Variants in ARIH1 observed in about 807,000 individuals in gnomAD.
ARIH1 encodes the protein E3 ubiquitin-protein ligase ARIH1.
ARIH1 carries 8 observed loss-of-function variants against 85.0 expected under a neutral mutation model. That is an observed-to-expected ratio of 0.09 (90% CI 0.06 to 0.17). The LOEUF (loss-of-function observed/expected upper bound fraction) is 0.17, where lower values mean the gene tolerates loss of function less well. Among genes scored for constraint, ARIH1 ranks in the 10% least tolerant of loss-of-function variants. The pLI, the probability that ARIH1 is intolerant of heterozygous loss-of-function variation, is 1.00. For synonymous variants in ARIH1, 238 were observed against 253.6 expected (o/e 0.94, Z 0.59); for missense variants, 311 against 718.1 (o/e 0.43, Z 6.48).
Position 72,592,819 on chromosome 15 carries a change from C to G in ARIH1, c.*9527C>G, listed in dbSNP as rs528746224. The stretch of plus-strand genomic sequence containing the variant: ...GTTTATTCATTCTCCTATTGAAGGA[C>G]CTTTAGGTTGTTTCCAGTTTGGGGC... On this transcript the variant is annotated 3_prime_UTR_variant, in exon 14 of 14. Transcript: ENST00000379887. 2 of 152,084 alleles carry G rather than the reference C, an allele frequency of 1.3e-5. No homozygotes were observed. The highest frequency in any genetic ancestry group is 3.8e-4 in the East Asian group (2 of 5,200). 9.4% of individuals were successfully genotyped at this position (152,084 alleles called of 1,614,324 possible). A position where few individuals can be genotyped will look rare whatever the true frequency, so the allele number is the denominator to read the frequency against.
At chr15:72,493,340 A>T (rs779666545) in intron 1 of ARIH1, among the ~76,000 whole-genome samples, 5 of 152,188 alleles carry the variant, frequency 3.3e-5, no homozygotes, top group Non-Finnish European at 7.3e-5. Flanking sequence ...ATTGTTGATT[A>T]GAAAGATTAT....
At chr15:72,566,512 G>C (rs1301840211) in intron 7 of ARIH1, 51 bp from the exon 8 acceptor site, 3 of 1,444,680 alleles carry the variant, frequency 2.1e-6, no homozygotes, top group African/African-American at 2.8e-5. Context: ...TTATTTACTT[G>C]CTTACAGTAG....
intron 11 of ARIH1, among the ~76,000 whole-genome samples, chr15:72,579,373 TG>T (rs10692723): frequency 4.6e-5 from 7 of 151,942 alleles, no homozygotes; most frequent in East Asian, 1.9e-4. Flanking sequence ...ATTCAGTGGT[TG>T]GGGGGGGAGC....
chr15:72,579,716 G>A (rs1476047680), intron 11 of ARIH1, among the ~76,000 whole-genome samples: 1 of 152,126 alleles, frequency 6.6e-6, no homozygotes, highest in Non-Finnish European at 1.5e-5. Context: ...CATTTTTCAA[G>A]AGTATTAAAT....
chr15:72,495,625 A>T (rs1487001204), intron 1 of ARIH1, among the ~76,000 whole-genome samples: 2 of 152,234 alleles, frequency 1.3e-5, no homozygotes, highest in African/African-American at 2.4e-5. Context: ...TGTAGCATGG[A>T]TCTAGTTTAT....
At chr15:72,526,700 A>C (rs1025829664) in intron 2 of ARIH1, among the ~76,000 whole-genome samples, 1 of 152,186 alleles carries the variant, frequency 6.6e-6, no homozygotes, top group African/African-American at 2.4e-5. Context: ...CCTGGGCGAC[A>C]GAGGAAGACC....
chr15:72,553,673 G>A (rs545519320), intron 3 of ARIH1, among the ~76,000 whole-genome samples: 7 of 152,226 alleles, frequency 4.6e-5, no homozygotes, highest in South Asian at 2.1e-4. Flanking sequence ...TAATCTCAGC[G>A]CTTTGGGAGG....
intron 3 of ARIH1, among the ~76,000 whole-genome samples, chr15:72,553,208 G>A (rs1361384252): frequency 6.6e-6 from 1 of 151,982 alleles, no homozygotes; most frequent in Non-Finnish European, 1.5e-5. Flanking sequence ...TTAAAATAAG[G>A]TAACCATTAT....
In ARIH1 at chr15:72,582,823, C is replaced by T. The variant is rs1310497720; in HGVS notation, c.1590-385C>T. On this transcript the variant is annotated intron_variant, in intron 13 of 13. Transcript: ENST00000379887. The surrounding 1 kb of genome is among the most constrained non-coding windows in gnomAD (Gnocchi z 4.6). ...CCCTTCCCTTAGCCAATTTTAGCTA[C>T]CATATTTTGTTTACAGTACTTTTAC... Among the ~76,000 whole-genome samples, 2 of 152,090 alleles carry T rather than the reference C, an allele frequency of 1.3e-5. No individual in the cohort carries two copies. The highest frequency in any genetic ancestry group is 4.8e-5 in the African/African-American group (2 of 41,408).
intron 1 of ARIH1, among the ~76,000 whole-genome samples, chr15:72,481,234 A>G (rs62017905): frequency 0.036 from 5,478 of 152,282 alleles, 136 homozygotes; most frequent in Non-Finnish European, 0.055. Context: ...CTATGAATCA[A>G]ACTCTGGGGA....
rs1284329904 is a variant in ARIH1, at chr15:72,531,046, A to G, written c.443+12912A>G. Among the ~76,000 whole-genome samples, 6 of 152,310 alleles carry G rather than the reference A, an allele frequency of 3.9e-5. No individual in the cohort carries two copies. In the East Asian group the frequency reaches 7.7e-4, roughly 20 times the overall value. ...ATAACAGTTCCCATGTGTGATAGCTACTTGTTTCACTGATCCTAAGATACA... is the reference window on the plus strand; with the variant it reads ...ATAACAGTTCCCATGTGTGATAGCTGCTTGTTTCACTGATCCTAAGATACA... On this transcript the variant is annotated intron_variant, in intron 2 of 13. Coordinates refer to ENST00000379887, the MANE Select transcript of ARIH1 (RefSeq NM_005744.5).
chr15:72,553,784 G>A (rs1293795879), intron 3 of ARIH1, among the ~76,000 whole-genome samples: 1 of 152,172 alleles, frequency 6.6e-6, no homozygotes, highest in African/African-American at 2.4e-5. Flanking sequence ...GGGCGTGGTG[G>A]TGCGTTTCTG....
chr15:72,478,739 A>G (rs1286610508), intron 1 of ARIH1, among the ~76,000 whole-genome samples: 1 of 152,206 alleles, frequency 6.6e-6, no homozygotes, highest in Non-Finnish European at 1.5e-5. Context: ...AACCACTGGA[A>G]TAGTGATAGT....
intron 1 of ARIH1, 34 bp downstream of exon 1, chr15:72,475,048 C>T (rs976984676): frequency 1.7e-5 from 26 of 1,546,612 alleles, no homozygotes; most frequent in Admixed American, 3.9e-5. Context: ...TGGACCGGGC[C>T]CGACGGGGGA....
Position 72,510,736 on chromosome 15 carries a change from CAAAAAAAAAAAAAAAAAAAA to C in ARIH1, c.376-7316_376-7297del, listed in dbSNP as rs57834481. Among the ~76,000 whole-genome samples the C allele has an allele frequency of 7.3e-3, 195 of 26,758 alleles. 2 individuals carry two copies. Among genetic ancestry groups the C allele is most frequent in the African/African-American group, 0.021 (184 of 8,622 alleles). 17.6% of individuals were successfully genotyped at this position (26,758 alleles called of 152,430 possible). ...TGGGCAACAGAGCAAGACTCTGACT[CAAAAAAAAAAAAAAAAAAAA>C]AAAAAAAAAAAAAAGACTTTTTCCC... is the stretch of plus-strand genomic sequence containing the variant. On this transcript the variant is annotated intron_variant, in intron 1 of 13. Coordinates refer to ENST00000379887, the MANE Select transcript of ARIH1 (RefSeq NM_005744.5).
At chr15:72,487,618 C>T (rs2063842642) in intron 1 of ARIH1, among the ~76,000 whole-genome samples, 1 of 149,162 alleles carries the variant, frequency 6.7e-6, no homozygotes, top group African/African-American at 2.5e-5. Flanking sequence ...TTGAGTCATC[C>T]TTTTTTTTTT....
chr15:72,479,004 AT>A (rs912913780), intron 1 of ARIH1, among the ~76,000 whole-genome samples: 2 of 151,654 alleles, frequency 1.3e-5, no homozygotes, highest in African/African-American at 4.9e-5. Context: ...CTCCTAGCTA[AT>A]TTTTTTTCTT....
intron 3 of ARIH1, among the ~76,000 whole-genome samples, chr15:72,550,962 G>GT (rs1487474129): frequency 6.6e-6 from 1 of 152,106 alleles, no homozygotes; most frequent in African/African-American, 2.4e-5. Flanking sequence ...ACGAGCCACT[G>GT]TACCCAGCCC....
chr15:72,532,581 T>C (rs1387877103), intron 2 of ARIH1, among the ~76,000 whole-genome samples: 1 of 152,112 alleles, frequency 6.6e-6, no homozygotes, highest in African/African-American at 2.4e-5. Flanking sequence ...ATAACCTTTA[T>C]ACCAAAACCC....
Sources: gnomAD v4.1 joint callset for allele counts (sites outside exome capture counted in the v4.1 genomes callset) on GRCh38, gnomAD v4.1.1 for gene constraint, Gnocchi (gnomAD v3.1) non-coding constraint, MANE v1.5 for transcripts, NCBI Gene and HGNC (gene_info 2026-07-23, HGNC 2026-07-21) for gene names.